Variants in AIFM2 observed in about 807,000 individuals in gnomAD.
AIFM2 encodes ferroptosis suppressor protein 1.
A neutral mutation model predicts 35.7 loss-of-function variants in AIFM2; 38 were observed. The ratio of observed to expected loss-of-function variants is 1.06; its 90% CI spans 0.82 to 1.39. AIFM2 has a LOEUF of 1.39. AIFM2 is among the 40% of genes most tolerant of loss of function. The pLI is 0.00. For missense variants in AIFM2, 476 were observed against 491.2 expected (o/e 0.97, Z 0.29); for synonymous variants, 185 against 203.5 (o/e 0.91, Z 0.77).
At chr10:70,128,604 C>T (rs1241721994) in intron 1 of AIFM2, among the ~76,000 whole-genome samples, 1 of 152,232 alleles carries the variant, frequency 6.6e-6, no homozygotes, top group Non-Finnish European at 1.5e-5. Flanking sequence ...CTCAAGTGAT[C>T]GGCCTGCCTC....
Position 70,117,070 on chromosome 10 carries a change from C to T in AIFM2, c.617-296G>A, listed in dbSNP as rs1283701873. Reference sequence around the variant, plus strand: ...AAGCTGTTTAATGGAAGATCTCAGACGCGCCTCTTATGAGTGCCAGCCGTG... The same window carrying T: ...AAGCTGTTTAATGGAAGATCTCAGATGCGCCTCTTATGAGTGCCAGCCGTG... On this transcript the variant is annotated intron_variant, in intron 6 of 8. Transcript: ENST00000307864. This position sits in a 1 kb window ranked among gnomAD's most constrained non-coding sequence, Gnocchi z 4.7. Among the ~76,000 whole-genome samples, 2 of 152,228 alleles carry T rather than the reference C, an allele frequency of 1.3e-5. No homozygotes were observed. Among genetic ancestry groups the T allele is most frequent in the African/African-American group, 2.4e-5 (1 of 41,460 alleles).
chr10:70,127,707 T>C (rs2136667017), intron 1 of AIFM2, among the ~76,000 whole-genome samples: 1 of 152,238 alleles, frequency 6.6e-6, no homozygotes, highest in Non-Finnish European at 1.5e-5. Flanking sequence ...GCCCCTAGTA[T>C]CATCAACCTG....
intron 4 of AIFM2, 101 bp downstream of exon 4, chr10:70,120,991 G>A (rs2072496191): frequency 2.6e-6 from 4 of 1,510,556 alleles, no homozygotes; most frequent in Non-Finnish European, 3.5e-6. Context: ...ACAGCCAGCA[G>A]CTCTGAGTAA....
Position 70,114,633 on chromosome 10 carries a change from C to T in AIFM2, c.970+287G>A, listed in dbSNP as rs2072414589. ...GGGATTACAGGCATGCACCACCACA[C>T]CTGGCTAATTTTGTATTTTTAGTAG... On this transcript the variant is annotated intron_variant, in intron 8 of 8. Transcript: ENST00000307864. The T allele has an allele frequency of 1.2e-5, 6 of 508,632 alleles. No individual in the cohort carries two copies. In the South Asian group the frequency reaches 1.3e-4, roughly 11 times the overall value. 31.5% of individuals were successfully genotyped at this position (508,632 alleles called of 1,614,324 possible). A position where few individuals can be genotyped will look rare whatever the true frequency, so the allele number is the denominator to read the frequency against.
In AIFM2 at chr10:70,112,483, T is replaced by A. The variant is rs891260536; in HGVS notation, c.*1695A>T. On this transcript the variant is annotated 3_prime_UTR_variant, in exon 9 of 9. Transcript: ENST00000307864. ...TGCCTCCAGGAAGGTGGGCTTCCCT[T>A]CGTGGTCCATAAAGAAAGACAGATA... 3 of 152,232 alleles carry A rather than the reference T, an allele frequency of 2.0e-5. No homozygotes were observed. Among genetic ancestry groups the A allele is most frequent in the Non-Finnish European group, 4.4e-5 (3 of 68,038 alleles). 9.4% of individuals were successfully genotyped at this position (152,232 alleles called of 1,614,324 possible).
rs1169177911 is a variant in AIFM2 at position 70,129,513 on chromosome 10, T to TTAGCATCTG, written c.-14+3212_-14+3220dup. Among the ~76,000 whole-genome samples, 8 of 152,244 alleles carry TTAGCATCTG rather than the reference T, an allele frequency of 5.3e-5. No individual in the cohort carries two copies. The South Asian group carries it at 1.7e-3, about 32-fold the overall frequency. ...CATATACAGGTAATGATTACAGCAG[T>TTAGCATCTG]TAGCATCTGTTGCACTTTTGCCCAT... On this transcript the variant is annotated intron_variant, in intron 1 of 8. Transcript: ENST00000307864.
At position 70,113,626 on chromosome 10, in the gene AIFM2, G is replaced by C. The variant is rs961023697; in HGVS notation, c.*552C>G. 2 of 152,386 alleles carry C rather than the reference G, an allele frequency of 1.3e-5. No individual in the cohort carries two copies. Among genetic ancestry groups the C allele is most frequent in the African/African-American group, 2.4e-5 (1 of 41,444 alleles). The allele number at this position is 152,386 out of a possible 1,614,324, so 9.4% of individuals were successfully genotyped here. A position where few individuals can be genotyped will look rare whatever the true frequency, so the allele number is the denominator to read the frequency against. On this transcript the variant is annotated 3_prime_UTR_variant, in exon 9 of 9. Transcript: ENST00000307864. The stretch of plus-strand genomic sequence containing the variant: ...CACCTGTTAGCAAATTGAAAACAAG[G>C]CTCCTGTGAAGTCCCTGGTTGTTGC...
Position 70,113,825 on chromosome 10 carries a change from G to A in AIFM2, c.*353C>T, listed in dbSNP as rs7908957. 0.23 allele frequency: 45,609 copies of A among 202,254 alleles called. 6,769 individuals are homozygous for A. Among genetic ancestry groups the A allele is most frequent in the African/African-American group, 0.43 (18,165 of 42,338 alleles). The allele number at this position is 202,254 out of a possible 1,614,324, so 12.5% of individuals were successfully genotyped here. A position where few individuals can be genotyped will look rare whatever the true frequency, so the allele number is the denominator to read the frequency against. On this transcript the variant is annotated 3_prime_UTR_variant, in exon 9 of 9. Transcript: ENST00000307864. ...CTGCTCTGAGAGCTCTAAATGGCACGCGTCATGACCACAAGCACGTACACA... is the reference window on the plus strand; with the variant it reads ...CTGCTCTGAGAGCTCTAAATGGCACACGTCATGACCACAAGCACGTACACA...
chr10:70,121,044 G>A (rs752058114), intron 4 of AIFM2, 48 bp downstream of exon 4: 1 of 1,589,726 alleles, frequency 6.3e-7, no homozygotes, highest in South Asian at 1.1e-5. Context: ...CCCCAAGGCT[G>A]TCCTTCCATC....
At chr10:70,125,767 A>G (rs1049412149) in intron 1 of AIFM2, among the ~76,000 whole-genome samples, 2 of 152,194 alleles carry the variant, frequency 1.3e-5, no homozygotes, top group Non-Finnish European at 2.9e-5. Flanking sequence ...CACTGCACCC[A>G]GTCCCCATTT....
In AIFM2 at chr10:70,115,034, A is replaced by G. The variant is rs778151898; in HGVS notation, c.856T>C (p.Cys286Arg). ...ATCTTGGGCGTCCTCACGTCGGCAC[A>G]GTCACCAATGGCGTAGACGTTGCTG... ...GHSNVYAIGD[C>R]ADVRTPKMAY... is the part of the protein sequence containing the mutation. The change falls in exon 8 of 9, where the codon TGT (cysteine) becomes CGT (arginine). Residue 286 changes from cysteine (C) to arginine (R), a missense_variant. Coordinates refer to ENST00000307864, the MANE Select transcript of AIFM2 (RefSeq NM_032797.6). 1 of 1,614,222 alleles carries G rather than the reference A, an allele frequency of 6.2e-7. No individual in the cohort carries two copies. The highest frequency in any genetic ancestry group is 8.5e-7 in the Non-Finnish European group (1 of 1,180,038).
intron 5 of AIFM2, 28 bp downstream of exon 5, chr10:70,120,479 A>G (rs746415862): frequency 1.9e-5 from 30 of 1,612,464 alleles, no homozygotes; most frequent in Non-Finnish European, 2.5e-5. Flanking sequence ...AACCACTTAG[A>G]GCTCCAAGGC....
intron 3 of AIFM2, among the ~76,000 whole-genome samples, chr10:70,122,304 A>G (rs965233054): frequency 6.6e-6 from 1 of 152,166 alleles, no homozygotes; most frequent in Non-Finnish European, 1.5e-5. Flanking sequence ...GCATGGCTGG[A>G]GACTGCAGGA....
chr10:70,118,602 C>T (rs1266752146), intron 5 of AIFM2, among the ~76,000 whole-genome samples: 1 of 152,186 alleles, frequency 6.6e-6, no homozygotes, highest in Non-Finnish European at 1.5e-5. Context: ...AAATCCTAAA[C>T]ATGTGGATAT....
chr10:70,116,262 G>A (rs976290742), intron 7 of AIFM2, among the ~76,000 whole-genome samples: 3 of 152,204 alleles, frequency 2.0e-5, no homozygotes, highest in South Asian at 2.1e-4. Context: ...GTTTGGGGGC[G>A]GCAGCACGCC....
chr10:70,116,532 G>T, intron 7 of AIFM2, 90 bp downstream of exon 7: 1 of 1,515,286 alleles, frequency 6.6e-7, no homozygotes. Flanking sequence ...GCAGCAAGGT[G>T]TGGACTCCTG....
chr10:70,126,663 T>A (rs1316653770), intron 1 of AIFM2, among the ~76,000 whole-genome samples: 1 of 152,182 alleles, frequency 6.6e-6, no homozygotes, highest in Non-Finnish European at 1.5e-5. Flanking sequence ...CCCAAGACGG[T>A]CCCCAAATCA....
Position 70,118,647 on chromosome 10 carries a change from G to A in AIFM2, c.508-727C>T, listed in dbSNP as rs1294643051. The stretch of plus-strand genomic sequence containing the variant: ...TTACTTGAACTTTTTTACTACTTCA[G>A]ACTGGTCTGACCCCTGTGAAATAAG... On this transcript the variant is annotated intron_variant, in intron 5 of 8. Transcript: ENST00000307864. 3.3e-5 allele frequency among the ~76,000 whole-genome samples: 5 copies of A among 152,184 alleles called. 1 individual carries two copies. The highest frequency in any genetic ancestry group is 7.3e-5 in the Non-Finnish European group (5 of 68,032).
rs2072398465 is a variant in AIFM2, at chr10:70,113,306, C to T, written c.*872G>A. ...TCGAGAGGCCAAGACGAATGGATCACCTGAGGTCAGGTGTTCGAGACCAGC... is the reference window on the plus strand; with the variant it reads ...TCGAGAGGCCAAGACGAATGGATCATCTGAGGTCAGGTGTTCGAGACCAGC... On this transcript the variant is annotated 3_prime_UTR_variant, in exon 9 of 9. Transcript: ENST00000307864. 6.6e-6 allele frequency: 1 copy of T among 152,272 alleles called. No homozygotes were observed. The allele number at this position is 152,272 out of a possible 1,614,324, so 9.4% of individuals were successfully genotyped here.
Sources: allele counts gnomAD v4.1 joint callset (sites outside exome capture counted in the v4.1 genomes callset), GRCh38; gene constraint gnomAD v4.1.1; non-coding constraint Gnocchi (gnomAD v3.1); transcripts MANE v1.5; gene names NCBI Gene and HGNC (gene_info 2026-07-23, HGNC 2026-07-21).